The following IQGAP2 variants were observed in gnomAD, a reference collection of about 807,000 sequenced individuals.
IQGAP2 encodes the protein ras GTPase-activating-like protein IQGAP2.
Under a neutral mutation model 201.3 loss-of-function variants are expected in IQGAP2, and 173 were observed. The ratio of observed to expected loss-of-function variants is 0.86; its 90% CI spans 0.76 to 0.98. The LOEUF (loss-of-function observed/expected upper bound fraction) is 0.98. Ranked by LOEUF, IQGAP2 falls within the 50% of genes least tolerant of loss-of-function variation. The pLI is 0.00. For synonymous variants in IQGAP2, 675 were observed against 673.9 expected (o/e 1.00, Z -0.03); for missense variants, 1,687 against 1,864.8 (o/e 0.90, Z 1.76).
At chr5:76,704,321 C>T (rs1580870476) in intron 35 of IQGAP2, among the ~76,000 whole-genome samples, 1 of 152,176 alleles carries the variant, frequency 6.6e-6, no homozygotes, top group East Asian at 1.9e-4. Context: ...CAGTCAATAT[C>T]AACTGGACCA....
At position 76,597,420 on chromosome 5, in the gene IQGAP2, C is replaced by G. The variant is rs1417046503; in HGVS notation, c.908-19C>G. On this transcript the variant is annotated intron_variant, in intron 9 of 35. Coordinates refer to ENST00000274364, the MANE Select transcript of IQGAP2 (RefSeq NM_006633.5). ...GGAAAGAGCAACCATTCTGACAAAACATGAACCCCCATCCTCAGGGCAGGC... is the reference window on the plus strand; with the variant it reads ...GGAAAGAGCAACCATTCTGACAAAAGATGAACCCCCATCCTCAGGGCAGGC... 2 of 1,612,620 alleles carry G rather than the reference C, an allele frequency of 1.2e-6. No individual in the cohort carries two copies. The highest frequency in any genetic ancestry group is 1.7e-6 in the Non-Finnish European group (2 of 1,179,382).
intron 2 of IQGAP2, chr5:76,547,344 A>T (rs1240270169): frequency 8.9e-6 from 5 of 560,310 alleles, no homozygotes; most frequent in Non-Finnish European, 1.1e-5. Flanking sequence ...GCTTTATGGC[A>T]TTCTCTTGGT....
At chr5:76,549,388 G>A (rs1459843775) in intron 2 of IQGAP2, among the ~76,000 whole-genome samples, 4 of 151,374 alleles carry the variant, frequency 2.6e-5, no homozygotes, top group African/African-American at 9.7e-5. Flanking sequence ...GACAGATAAG[G>A]TCCTTGCTAT....
intron 1 of IQGAP2, among the ~76,000 whole-genome samples, chr5:76,429,622 A>G (rs922904376): frequency 6.9e-6 from 1 of 145,412 alleles, no homozygotes; most frequent in Non-Finnish European, 1.5e-5. Flanking sequence ...ATACATATAT[A>G]AATTTATATA....
intron 1 of IQGAP2, among the ~76,000 whole-genome samples, chr5:76,445,347 T>A (rs921455669): frequency 6.6e-6 from 1 of 152,110 alleles, no homozygotes; most frequent in Non-Finnish European, 1.5e-5. Flanking sequence ...ACCTGCCTCA[T>A]AGGGCTGTTG....
chr5:76,607,696 T>C (rs1747916406), intron 12 of IQGAP2: 1 of 152,142 alleles, frequency 6.6e-6, no homozygotes, highest in South Asian at 2.1e-4. Context: ...CAGGTGGGGG[T>C]TGGGGGACCA....
At chr5:76,576,944 G>C (rs1179456965) in intron 5 of IQGAP2, among the ~76,000 whole-genome samples, 1 of 152,224 alleles carries the variant, frequency 6.6e-6, no homozygotes, top group Non-Finnish European at 1.5e-5. Context: ...TTGTGCAAAA[G>C]TGCTTATGTT....
chr5:76,444,431 T>C (rs1753249513), intron 1 of IQGAP2, among the ~76,000 whole-genome samples: 1 of 152,178 alleles, frequency 6.6e-6, no homozygotes, highest in Non-Finnish European at 1.5e-5. Context: ...CCCAAGTAGC[T>C]GGGATTACAG....
chr5:76,413,589 T>A (rs1051628847), intron 1 of IQGAP2, among the ~76,000 whole-genome samples: 4 of 151,242 alleles, frequency 2.6e-5, no homozygotes, highest in African/African-American at 9.7e-5. Flanking sequence ...AAAAAACTAG[T>A]ATGTTCTATT....
intron 5 of IQGAP2, among the ~76,000 whole-genome samples, chr5:76,581,520 C>A (rs1745849131): frequency 6.6e-6 from 1 of 152,146 alleles, no homozygotes; most frequent in South Asian, 2.1e-4. Flanking sequence ...TGAACCATTC[C>A]TTTCCCTTTC....
rs150259995 is a variant in IQGAP2, at chr5:76,430,842, A to G, written c.46+27251A>G. Among the ~76,000 whole-genome samples the G allele has an allele frequency of 2.0e-5, 3 of 152,308 alleles. No homozygotes were observed. In the East Asian group the frequency reaches 5.8e-4, roughly 29 times the overall value. On this transcript the variant is annotated intron_variant, in intron 1 of 35. Coordinates refer to ENST00000274364, the MANE Select transcript of IQGAP2 (RefSeq NM_006633.5). ...AGTGTATATTGTGAAGAATTAATGA[A>G]AATAATTGCGTTCAGTAGCAAAATT...
intron 1 of IQGAP2, among the ~76,000 whole-genome samples, chr5:76,438,445 A>AT (rs55858032): frequency 0.72 from 109,310 of 151,332 alleles, 43,314 homozygotes; most frequent in Non-Finnish European, 0.89. Flanking sequence ...CTTCATTTTC[A>AT]TTTTTTTCTT....
chr5:76,526,149 CAA>C (rs1275472567), intron 2 of IQGAP2, among the ~76,000 whole-genome samples: 1 of 152,188 alleles, frequency 6.6e-6, no homozygotes, highest in Non-Finnish European at 1.5e-5. Flanking sequence ...AAGTTAACCT[CAA>C]AAAGTCTATT....
intron 1 of IQGAP2, 95 bp from the exon 2 acceptor site, chr5:76,461,475 T>C (rs1754452549): frequency 1.4e-6 from 1 of 736,744 alleles, no homozygotes; most frequent in South Asian, 1.9e-5. Flanking sequence ...GAATGTTAAA[T>C]GTTCAGCTGC....
chr5:76,678,611 A>G (rs1217177066), intron 28 of IQGAP2, among the ~76,000 whole-genome samples: 1 of 152,176 alleles, frequency 6.6e-6, no homozygotes, highest in Non-Finnish European at 1.5e-5. Context: ...CCAAATTAGA[A>G]CCTGCATTGT....
At chr5:76,581,055 T>G (rs2150291466) in intron 5 of IQGAP2, among the ~76,000 whole-genome samples, 1 of 152,336 alleles carries the variant, frequency 6.6e-6, no homozygotes, top group Non-Finnish European at 1.5e-5. Flanking sequence ...GCAGCCATGT[T>G]TTCAGGTGCA....
chr5:76,704,796 A>G (rs531863726), intron 35 of IQGAP2, among the ~76,000 whole-genome samples: 1 of 152,342 alleles, frequency 6.6e-6, no homozygotes, highest in African/African-American at 2.4e-5. Context: ...TGCAGCTTTC[A>G]GTCAATTGCA....
intron 2 of IQGAP2, among the ~76,000 whole-genome samples, chr5:76,503,174 C>CTTTTTTTTTTTTT (rs11297908): frequency 1.2e-4 from 13 of 109,356 alleles, no homozygotes; most frequent in Non-Finnish European, 1.8e-4. Context: ...CTTTTCTTTT[C>CTTTTTTTTTTTTT]TTTTTTTTTT....
intron 16 of IQGAP2, among the ~76,000 whole-genome samples, 160 bp downstream of exon 16, chr5:76,637,336 T>G (rs1360665111): frequency 1.3e-5 from 2 of 152,224 alleles, no homozygotes; most frequent in Non-Finnish European, 2.9e-5. Flanking sequence ...TGTGGCTGCA[T>G]TGTTACTAAT....
Sources: gnomAD v4.1 joint callset for allele counts (sites outside exome capture counted in the v4.1 genomes callset) on GRCh38, gnomAD v4.1.1 for gene constraint, MANE v1.5 for transcripts, NCBI Gene and HGNC (gene_info 2026-07-23, HGNC 2026-07-21) for gene names.